The following UGT1A3 variants were observed in gnomAD, a reference collection of about 807,000 sequenced individuals.
UGT1A3 encodes UDP-glucuronosyltransferase 1A3.
A neutral mutation model predicts 41.0 loss-of-function variants in UGT1A3; 31 were observed. The observed-to-expected ratio is 0.76, with a 90% CI of 0.57 to 1.02. The LOEUF is 1.02. Ranked by LOEUF, UGT1A3 falls within the 50% of genes least tolerant of loss-of-function variation. The pLI, the probability that UGT1A3 is intolerant of heterozygous loss-of-function variation, is 0.00. For missense variants in UGT1A3, 737 were observed against 671.0 expected (o/e 1.10, Z -1.09); for synonymous variants, 262 against 257.6 (o/e 1.02, Z -0.17).
intron 1 of UGT1A3, among the ~76,000 whole-genome samples, chr2:233,736,722 G>A (rs149071654): frequency 0.034 from 5,130 of 151,780 alleles, 99 homozygotes; most frequent in African/African-American, 0.051. Flanking sequence ...CCTTTTTGTT[G>A]ATGTTTATGC....
Position 233,757,543 on chromosome 2 carries a change from T to TACATATAC in UGT1A3, c.868-9490_868-9489insCATATACA, listed in dbSNP as rs1320189051. ...AAATCTTGCCTGTAAGGAATATATA[T>TACATATAC]ATATATATATATATATATGTATATA... On this transcript the variant is annotated intron_variant, in intron 1 of 4. Transcript: ENST00000482026. Among the ~76,000 whole-genome samples, 305 of 117,198 alleles carry TACATATAC rather than the reference T, an allele frequency of 2.6e-3. 10 individuals are homozygous for TACATATAC. The highest frequency in any genetic ancestry group is 3.4e-3 in the Non-Finnish European group (191 of 55,852). The allele number at this position is 117,198 out of a possible 152,430, so 76.9% of individuals were successfully genotyped here.
intron 1 of UGT1A3, among the ~76,000 whole-genome samples, chr2:233,740,284 G>A (rs932768125): frequency 2.0e-5 from 3 of 151,852 alleles, no homozygotes; most frequent in African/African-American, 7.3e-5. Flanking sequence ...ATACTGAAAG[G>A]GTTTAAAGGA....
At chr2:233,735,813 T>C (rs1312279736) in intron 1 of UGT1A3, among the ~76,000 whole-genome samples, 1 of 152,232 alleles carries the variant, frequency 6.6e-6, no homozygotes, top group Non-Finnish European at 1.5e-5. Flanking sequence ...AAAATTCTTT[T>C]CTTTAAGAAT....
intron 1 of UGT1A3, chr2:233,747,987 G>A: frequency 6.2e-7 from 1 of 1,613,454 alleles, no homozygotes; most frequent in Non-Finnish European, 8.5e-7. Context: ...GCTGTTCCGA[G>A]GGGACTTTGT....
rs956485327 is a variant in UGT1A3, at chr2:233,732,755, GTTTTTTT to G, written c.867+2772_867+2778del. On this transcript the variant is annotated intron_variant, in intron 1 of 4. Transcript: ENST00000482026. Reference sequence around the variant, plus strand: ...CAGGTAGCATGATGCCACCAGCTTTGTTTTTTTTTTTTTTTTGCTTAGGATTGTCTTG... The same window carrying G: ...CAGGTAGCATGATGCCACCAGCTTTGTTTTTTTTTGCTTAGGATTGTCTTG... Among the ~76,000 whole-genome samples the G allele has an allele frequency of 7.5e-5, 9 of 120,224 alleles. No individual in the cohort carries two copies. The East Asian group carries it at 1.2e-3, about 16-fold the overall frequency. 78.9% of individuals were successfully genotyped at this position (120,224 alleles called of 152,430 possible).
chr2:233,739,386 C>A (rs1247379490), intron 1 of UGT1A3, among the ~76,000 whole-genome samples: 2 of 152,188 alleles, frequency 1.3e-5, no homozygotes, highest in East Asian at 3.9e-4. Flanking sequence ...CCTGGAAGAG[C>A]CACAGACATC....
At chr2:233,748,129 T>A in intron 1 of UGT1A3, 2 of 1,610,122 alleles carry the variant, frequency 1.2e-6, no homozygotes, top group Admixed American at 1.7e-5. Context: ...AAACAGTTTT[T>A]AAAAATTGTA....
chr2:233,743,990 C>A lies in UGT1A3; in HGVS notation c.867+13997C>A, dbSNP rs541433916. 65 of 1,267,322 alleles carry A rather than the reference C, an allele frequency of 5.1e-5. No homozygotes were observed. In the African/African-American group the frequency reaches 6.0e-4, roughly 12 times the overall value. 78.5% of individuals were successfully genotyped at this position (1,267,322 alleles called of 1,614,324 possible). On this transcript the variant is annotated intron_variant, in intron 1 of 4. Transcript: ENST00000482026. ...GGCTGCCAGCACCCAGGCGCAGGCC[C>A]GAGTGCTCGGAGACCTGGGCCGCCT...
At chr2:233,771,561 C>T (rs1395815945) in intron 4 of UGT1A3, 1 of 152,134 alleles carries the variant, frequency 6.6e-6, no homozygotes, top group Admixed American at 6.6e-5. Context: ...GTTAATTTGG[C>T]CAGAGGTGGT....
intron 3 of UGT1A3, 76 bp from the exon 4 acceptor site, chr2:233,768,144 T>C: frequency 6.2e-7 from 1 of 1,610,934 alleles, no homozygotes; most frequent in Non-Finnish European, 8.5e-7. Context: ...CTTTGGAGTG[T>C]TTTCAGAACC....
At chr2:233,759,379 A>G (rs6723506) in intron 1 of UGT1A3, among the ~76,000 whole-genome samples, 3,469 of 152,254 alleles carry the variant, frequency 0.023, 66 homozygotes, top group South Asian at 0.044. Flanking sequence ...ACAGGTTTTC[A>G]GGATACTCAG....
chr2:233,731,513 C>G (rs972587345), intron 1 of UGT1A3, among the ~76,000 whole-genome samples: 4 of 152,148 alleles, frequency 2.6e-5, no homozygotes, highest in Admixed American at 1.3e-4. Context: ...CAGTTCCCAC[C>G]TATGAGTGAG....
At chr2:233,746,988 A>C (rs1194642713) in intron 1 of UGT1A3, among the ~76,000 whole-genome samples, 1 of 151,882 alleles carries the variant, frequency 6.6e-6, no homozygotes, top group Non-Finnish European at 1.5e-5. Context: ...GCGCAGGGTC[A>C]GATGAGTTTT....
In UGT1A3 at chr2:233,744,891, T is replaced by C. The variant is rs1270091915; in HGVS notation, c.867+14898T>C. 7.2e-5 allele frequency among the ~76,000 whole-genome samples: 11 copies of C among 151,996 alleles called. No individual in the cohort carries two copies. The East Asian group carries it at 2.1e-3, about 29-fold the overall frequency. On this transcript the variant is annotated intron_variant, in intron 1 of 4. Coordinates refer to ENST00000482026, the MANE Select transcript of UGT1A3 (RefSeq NM_019093.4). ...GGATTAGTTTAGGACAACCCTCCTC[T>C]CCATACCAAAATCTAGATGCTCAAG...
chr2:233,764,038 A>G (rs1698463579), intron 1 of UGT1A3, among the ~76,000 whole-genome samples: 1 of 152,218 alleles, frequency 6.6e-6, no homozygotes, highest in East Asian at 1.9e-4. Flanking sequence ...CTAAAGAAGA[A>G]TTCTGGGAAA....
At position 233,760,649 on chromosome 2, in the gene UGT1A3, C is replaced by T; in HGVS notation, c.868-6385C>T. The T allele has an allele frequency of 6.2e-7, 1 of 1,614,206 alleles. No individual in the cohort carries two copies. The highest frequency in any genetic ancestry group is 2.2e-5 in the East Asian group (1 of 44,882). On this transcript the variant is annotated intron_variant, in intron 1 of 4. Coordinates refer to ENST00000482026, the MANE Select transcript of UGT1A3 (RefSeq NM_019093.4). ...TACAAGAAAATAAAAAAGGACTCTG[C>T]TATGCTTTTGTCTGGCTGTTCCCAC...
chr2:233,755,346 G>A (rs1313684064), intron 1 of UGT1A3: 3 of 411,522 alleles, frequency 7.3e-6, no homozygotes, highest in African/African-American at 6.3e-5. Context: ...CAGGTCAGAG[G>A]CTTGGCGACC....
At position 233,769,266 on chromosome 2, in the gene UGT1A3, CA is replaced by C. The variant is rs1253780369; in HGVS notation, c.1307+830del. ...CTCAAATGTGGCCCTGAAAACGATT[CA>C]AAGGGCAAATGATTTCTGGATTAAA... is the stretch of plus-strand genomic sequence containing the variant. On this transcript the variant is annotated intron_variant, in intron 4 of 4. Coordinates refer to ENST00000482026, the MANE Select transcript of UGT1A3 (RefSeq NM_019093.4). The surrounding 1 kb of genome is among the most constrained non-coding windows in gnomAD (Gnocchi z 4.4). Among the ~76,000 whole-genome samples, 1 of 152,194 alleles carries C rather than the reference CA, an allele frequency of 6.6e-6. No individual in the cohort carries two copies. The highest frequency in any genetic ancestry group is 1.5e-5 in the Non-Finnish European group (1 of 68,034).
intron 1 of UGT1A3, chr2:233,755,332 C>T (rs556124321): frequency 8.7e-6 from 4 of 459,716 alleles, no homozygotes; most frequent in South Asian, 5.8e-5. Flanking sequence ...CCAGCACCCG[C>T]GCACAGGTCA....
Sources: gnomAD v4.1 joint callset for allele counts (sites outside exome capture counted in the v4.1 genomes callset) on GRCh38, gnomAD v4.1.1 for gene constraint, Gnocchi (gnomAD v3.1) non-coding constraint, MANE v1.5 for transcripts, NCBI Gene and HGNC (gene_info 2026-07-23, HGNC 2026-07-21) for gene names.